Variants in POLK observed in about 807,000 individuals in gnomAD.
POLK encodes polymerase (DNA directed) kappa.
Under a neutral mutation model 94.0 loss-of-function variants are expected in POLK, and 76 were observed. That is an observed-to-expected ratio of 0.81 (90% confidence interval 0.67 to 0.98). The LOEUF (loss-of-function observed/expected upper bound fraction) is 0.98. Among genes scored for constraint, POLK ranks in the 50% least tolerant of loss-of-function variants. The probability of loss-of-function intolerance (pLI) is 0.00; values close to 1 mark genes in which losing one functional copy is unlikely to be tolerated. For synonymous variants in POLK, 349 were observed against 325.4 expected, an observed-to-expected ratio of 1.07 and a Z score of -0.78; for missense variants, 954 against 1,010.1, an observed-to-expected ratio of 0.94 and a Z score of 0.75.
chr5:75,511,474 T>G (rs1767997953), upstream of POLK: 1 of 1,510,202 alleles, frequency 6.6e-7, no homozygotes, highest in South Asian at 1.3e-5. Flanking sequence ...ACCCCTGCGT[T>G]GCGCCCGGCG....
intron 1 of POLK, among the ~76,000 whole-genome samples, chr5:75,527,479 CAAA>C (rs531406336): frequency 8.9e-6 from 1 of 112,550 alleles, no homozygotes; most frequent in East Asian, 2.5e-4. Context: ...GACCCTGTCT[CAAA>C]AAAAAAAAAA....
At chr5:75,536,895 T>C (rs1292193274) in intron 1 of POLK, among the ~76,000 whole-genome samples, 1 of 151,962 alleles carries the variant, frequency 6.6e-6, no homozygotes, top group Admixed American at 6.6e-5. Context: ...GCGGGTAGGG[T>C]CATGTAGTTT....
At chr5:75,529,498 T>G (rs1202882751) in intron 1 of POLK, among the ~76,000 whole-genome samples, 1 of 152,174 alleles carries the variant, frequency 6.6e-6, no homozygotes, top group African/African-American at 2.4e-5. Context: ...GATGCATGGT[T>G]TGGATGCTGT....
intron 3 of POLK, among the ~76,000 whole-genome samples, chr5:75,561,459 C>G (rs535997608): frequency 6.6e-6 from 1 of 152,282 alleles, no homozygotes; most frequent in South Asian, 2.1e-4. Context: ...AGTAGGTTGC[C>G]TGTTCACTCT....
At chr5:75,568,436 C>T (rs1346952011) in intron 3 of POLK, among the ~76,000 whole-genome samples, 5 of 152,082 alleles carry the variant, frequency 3.3e-5, no homozygotes, top group South Asian at 2.1e-4. Context: ...TAGTGGAGGC[C>T]GGCCACAAAA....
At chr5:75,583,476 T>G in intron 8 of POLK, 59 bp downstream of exon 8, 1 of 1,003,626 alleles carries the variant, frequency 1.0e-6, no homozygotes, top group African/African-American at 1.6e-5. Context: ...AGAGATACTG[T>G]GTAGGCCAAT....
Position 75,573,723 on chromosome 5 carries a change from T to C in POLK, c.409-15T>C, listed in dbSNP as rs577498587. 2.5e-6 allele frequency: 4 copies of C among 1,609,198 alleles called. No individual in the cohort carries two copies. In the Admixed American group the frequency reaches 6.7e-5, roughly 27 times the overall value. On this transcript the variant is annotated splice_polypyrimidine_tract_variant and intron_variant, in intron 4 of 14. Coordinates refer to ENST00000241436, the Ensembl canonical transcript of POLK. ...GGTTTGTGTATTTTTTTCCATGTGG[T>C]CAATTTTCTTTCAGTCTACTTCAAA...
rs5744673 is a variant in POLK, at chr5:75,582,059, T to C, written c.934+611T>C. On this transcript the variant is annotated intron_variant, in intron 7 of 14. Transcript: ENST00000241436. ...GCATGTAATAACTTGAGTATTAGTT[T>C]TTCCTTGGGAGACTTCAATCCTGTC... The C allele has an allele frequency of 4.1e-6, 4 of 981,420 alleles. No homozygotes were observed. The South Asian group carries it at 1.9e-4, about 46-fold the overall frequency. The allele number at this position is 981,420 out of a possible 1,614,324, so 60.8% of individuals were successfully genotyped here.
chr5:75,535,437 A>ATCT lies in POLK; in HGVS notation c.-13-11571_-13-11569dup, dbSNP rs201348849. Among the ~76,000 whole-genome samples, 317 of 152,038 alleles carry ATCT rather than the reference A, an allele frequency of 2.1e-3. 1 individual carries two copies. The East Asian group carries it at 0.028, about 13-fold the overall frequency. On this transcript the variant is annotated intron_variant, in intron 1 of 14. Transcript: ENST00000241436. ...CTGATGACTATGTGCCTTTGGGATG[A>ATCT]TCTTGTGCAGTATTTCACAGGGGTT...
chr5:75,596,368 C>T (rs1482482601), exon 13 of POLK: 10 of 1,613,376 alleles, frequency 6.2e-6, no homozygotes, highest in Non-Finnish European at 8.5e-6. Flanking sequence ...TGTAAAACCT[C>T]TAGAAATGTC....
At chr5:75,609,720 C>G in the POLK span, 2 of 152,276 alleles carry the variant, frequency 1.3e-5, no homozygotes, top group African/African-American at 4.8e-5. Flanking sequence ...ATCTCTATTA[C>G]AAACATTAGG....
chr5:75,544,766 G>T (rs1769926567), intron 1 of POLK, among the ~76,000 whole-genome samples: 2 of 152,188 alleles, frequency 1.3e-5, no homozygotes, highest in African/African-American at 2.4e-5. Context: ...AGTAGTGAAG[G>T]TATGGTGAAA....
chr5:75,607,329 G>A, the POLK span, among the ~76,000 whole-genome samples: 6,298 of 152,132 alleles, frequency 0.041, 157 homozygotes, highest in South Asian at 0.066. Context: ...GTAGCTGGGC[G>A]TGGTGGCACA....
At chr5:75,597,944 A>G (rs1376624950) in exon 15 of POLK, 2 of 1,486,642 alleles carry the variant, frequency 1.3e-6, no homozygotes, top group Non-Finnish European at 1.8e-6. Context: ...GCCAGGATTG[A>G]TGACAAAGTA....
At chr5:75,594,006 A>C (rs1287855170) in exon 12 of POLK, 1 of 1,612,936 alleles carries the variant, frequency 6.2e-7, no homozygotes. Context: ...TAAAAACAGA[A>C]ATTGATGCTG....
At chr5:75,525,395 A>G (rs1166817038) in intron 1 of POLK, among the ~76,000 whole-genome samples, 25 of 152,230 alleles carry the variant, frequency 1.6e-4, no homozygotes, top group Admixed American at 1.6e-3. Context: ...TACTAGATGG[A>G]CTTAATAGCA....
chr5:75,552,639 T>G, intron 3 of POLK, 48 bp downstream of exon 3: 1 of 1,512,734 alleles, frequency 6.6e-7, no homozygotes, highest in Non-Finnish European at 9.0e-7. Flanking sequence ...GAATAGTAAT[T>G]GACAGTTAAA....
In POLK at chr5:75,590,375, CA is replaced by C; in HGVS notation, c.1293del (p.Gln431HisfsTer30). ...CAGTGAGATAAATAAAGCGGAAGAG[CA>C]ATACAGCCTATGTCAAGAACTTTGC... On this transcript the variant is annotated frameshift_variant, in exon 11 of 15. Coordinates refer to ENST00000241436, the Ensembl canonical transcript of POLK. LOFTEE classifies it high-confidence loss of function. 1 of 1,603,810 alleles carries C rather than the reference CA, an allele frequency of 6.2e-7. No homozygotes were observed. The highest frequency in any genetic ancestry group is 1.1e-5 in the South Asian group (1 of 89,966).
chr5:75,590,110 G>A (rs1772700657), intron 10 of POLK, among the ~76,000 whole-genome samples: 1 of 152,112 alleles, frequency 6.6e-6, no homozygotes, highest in Admixed American at 6.5e-5. Context: ...ATATAATAGA[G>A]CAAGAGCATA....
Sources: gnomAD v4.1 joint callset for allele counts (sites outside exome capture counted in the v4.1 genomes callset) on GRCh38, gnomAD v4.1.1 for gene constraint, MANE v1.5 for transcripts, NCBI Gene and HGNC (gene_info 2026-07-23, HGNC 2026-07-21) for gene names.